Variants in MNDA observed in about 807,000 individuals in gnomAD.
MNDA encodes the protein epididymis secretory sperm binding protein.
Under a neutral mutation model 37.8 loss-of-function variants are expected in MNDA, and 43 were observed. The observed-to-expected ratio is 1.14, with a 90% CI of 0.89 to 1.47. The LOEUF (loss-of-function observed/expected upper bound fraction) is 1.47, where lower values mean the gene tolerates loss of function less well. MNDA is among the 40% of genes most tolerant of loss of function. MNDA has a pLI of 0.00. For synonymous variants in MNDA, 181 were observed against 169.0 expected, an observed-to-expected ratio of 1.07 and a Z score of -0.55; for missense variants, 536 against 476.0, an observed-to-expected ratio of 1.13 and a Z score of -1.17.
rs751427712 is a variant in MNDA at position 158,849,285 on chromosome 1, A to C, written c.*48A>C. The C allele has an allele frequency of 3.4e-5, 51 of 1,521,418 alleles. No homozygotes were observed. The highest frequency in any genetic ancestry group is 4.5e-5 in the Non-Finnish European group (49 of 1,100,936). The allele number at this position is 1,521,418 out of a possible 1,614,324, so 94.2% of individuals were successfully genotyped here. On this transcript the variant is annotated 3_prime_UTR_variant, in exon 7 of 7. Transcript: ENST00000368141. Reference sequence around the variant, plus strand: ...AAACAACTTCCGCTTAAAACAATTAAGTTGTTAATAACTGTGATTTTGTAA... The same window carrying C: ...AAACAACTTCCGCTTAAAACAATTACGTTGTTAATAACTGTGATTTTGTAA...
chr1:158,843,549 A>G, intron 3 of MNDA, 134 bp downstream of exon 3: 1 of 980,938 alleles, frequency 1.0e-6, no homozygotes, highest in Non-Finnish European at 1.4e-6. Flanking sequence ...TGTGATGAGT[A>G]AAGAGTTAGG....
intron 3 of MNDA, among the ~76,000 whole-genome samples, chr1:158,843,618 A>C (rs1323528000): frequency 1.6e-4 from 25 of 152,214 alleles, no homozygotes. Context: ...TCTCCATTAT[A>C]AAAATGGGGT....
intron 1 of MNDA, among the ~76,000 whole-genome samples, chr1:158,839,282 G>A (rs1571654731): frequency 2.0e-5 from 3 of 152,260 alleles, no homozygotes; most frequent in South Asian, 4.1e-4. Flanking sequence ...CTATATGGAC[G>A]TGTGTCTTGC....
At chr1:158,835,764 C>T (rs578244002) in intron 1 of MNDA, among the ~76,000 whole-genome samples, 61 of 151,850 alleles carry the variant, frequency 4.0e-4, no homozygotes, top group Non-Finnish European at 6.8e-4. Flanking sequence ...ATGGTGTTTT[C>T]GTATGTAGAC....
chr1:158,843,240 C>T (rs1213395270), intron 2 of MNDA, 39 bp from the exon 3 acceptor site: 1 of 1,580,424 alleles, frequency 6.3e-7, no homozygotes, highest in Non-Finnish European at 8.6e-7. Context: ...AGCTATTCCA[C>T]TCTAGGCCTA....
At chr1:158,840,298 A>G (rs1243858008) in intron 1 of MNDA, among the ~76,000 whole-genome samples, 1 of 152,158 alleles carries the variant, frequency 6.6e-6, no homozygotes, top group Non-Finnish European at 1.5e-5. Flanking sequence ...TAAAGAAAAG[A>G]GATTTGATTT....
rs1659083744 is a variant in MNDA at position 158,844,003 on chromosome 1, G to A, written c.451G>A (p.Val151Met). The change falls in exon 4 of 7, where the codon GTG (valine) becomes ATG (methionine). Residue 151 changes from valine to methionine, a missense_variant. By Grantham distance (21) the Val-to-Met change is conservative. Coordinates refer to ENST00000368141, the MANE Select transcript of MNDA (RefSeq NM_002432.3). ...AAAGACTGAAGCCAAAAGGAATAAG[G>A]TGTCCCAAGAGCAGAGTAAGCCCCC... ...KEKTEAKRNKVSQEQSKPPGP... is the reference protein window; with the variant it reads ...KEKTEAKRNKMSQEQSKPPGP... 1.2e-6 allele frequency: 2 copies of A among 1,612,094 alleles called. 1 individual carries two copies. Among genetic ancestry groups the A allele is most frequent in the South Asian group, 2.2e-5 (2 of 90,710 alleles).
chr1:158,842,704 GA>G (rs994796213), intron 2 of MNDA: 64 of 229,718 alleles, frequency 2.8e-4, no homozygotes, highest in South Asian at 4.8e-4. Flanking sequence ...GTCAGAAAAT[GA>G]AAAAAAAAGC....
chr1:158,834,273 C>T (rs1283102289), intron 1 of MNDA, among the ~76,000 whole-genome samples: 1 of 146,972 alleles, frequency 6.8e-6, no homozygotes, highest in Non-Finnish European at 1.5e-5. Flanking sequence ...CGCCCTGTCG[C>T]CCAGGCTGGA....
chr1:158,843,809 A>G lies in MNDA; in HGVS notation c.403-146A>G, dbSNP rs973994088. On this transcript the variant is annotated intron_variant, in intron 3 of 6. Coordinates refer to ENST00000368141, the MANE Select transcript of MNDA (RefSeq NM_002432.3). ...AATATTATCTATTGTCCATATCTTC[A>G]AGTGACAGATTGTAATTCCCTGGGG... The G allele has an allele frequency of 8.7e-6, 6 of 691,246 alleles. No individual in the cohort carries two copies. The East Asian group carries it at 1.4e-4, about 16-fold the overall frequency. The allele number at this position is 691,246 out of a possible 1,614,324, so 42.8% of individuals were successfully genotyped here.
rs1158413738 is a variant in MNDA, at chr1:158,842,231, G to T, written c.78G>T (p.Lys26Asn). Residue 26 changes from lysine (K) to asparagine (N), a missense_variant, in exon 2 of 7, where the codon AAG becomes AAT. Lys to Asn is a moderately conservative substitution (Grantham distance 94). Coordinates refer to ENST00000368141, the MANE Select transcript of MNDA (RefSeq NM_002432.3). Reference protein sequence around the residue: ...LMDDYHFTSIKSLLAYDLGLT... With the variant: ...LMDDYHFTSINSLLAYDLGLT... Reference sequence around the variant, plus strand: ...ATGATTATCATTTTACATCAATTAAGTCCTTACTGGCCTATGATTTAGGAC... The same window carrying T: ...ATGATTATCATTTTACATCAATTAATTCCTTACTGGCCTATGATTTAGGAC... 2 of 1,613,896 alleles carry T rather than the reference G, an allele frequency of 1.2e-6. No homozygotes were observed. The highest frequency in any genetic ancestry group is 1.7e-6 in the Non-Finnish European group (2 of 1,179,838).
At chr1:158,847,033 T>C (rs1284277340) in intron 5 of MNDA, among the ~76,000 whole-genome samples, 1 of 152,210 alleles carries the variant, frequency 6.6e-6, no homozygotes, top group African/African-American at 2.4e-5. Context: ...TTAAAATTTC[T>C]CATAATCTGA....
At chr1:158,846,441 G>A (rs1454027156) in intron 5 of MNDA, among the ~76,000 whole-genome samples, 1 of 152,132 alleles carries the variant, frequency 6.6e-6, no homozygotes, top group Non-Finnish European at 1.5e-5. Context: ...GGATTGGCTG[G>A]TATGCTCATA....
chr1:158,845,462 G>T, intron 4 of MNDA, 125 bp from the exon 5 acceptor site: 1 of 872,940 alleles, frequency 1.1e-6, no homozygotes, highest in African/African-American at 1.7e-5. Context: ...GGATGGTCTC[G>T]ATCTTCTGAC....
intron 1 of MNDA, among the ~76,000 whole-genome samples, chr1:158,838,810 A>T (rs1397224528): frequency 6.6e-6 from 1 of 152,138 alleles, no homozygotes; most frequent in African/African-American, 2.4e-5. Context: ...ATAATTACAC[A>T]TGACCTGTCT....
chr1:158,836,045 T>C (rs1658907460), intron 1 of MNDA, among the ~76,000 whole-genome samples: 1 of 151,966 alleles, frequency 6.6e-6, no homozygotes, highest in Admixed American at 6.6e-5. Context: ...GATTGTTGCA[T>C]GGTGAGCCAT....
chr1:158,847,967 G>A, intron 6 of MNDA, 51 bp downstream of exon 6: 2 of 1,564,556 alleles, frequency 1.3e-6, no homozygotes, highest in South Asian at 2.4e-5. Flanking sequence ...AAATAATTTT[G>A]CTTAGGCTTT....
chr1:158,846,004 G>A lies in MNDA; in HGVS notation c.987+1G>A. 3 of 1,583,058 alleles carry A rather than the reference G, an allele frequency of 1.9e-6. No homozygotes were observed. The highest frequency in any genetic ancestry group is 2.2e-5 in the East Asian group (1 of 44,494). ...GTATGGGTTGTTTATGTTACAAAAG[G>A]TAAACCCTTAATTTTGTTTTAATTT... is the stretch of plus-strand genomic sequence containing the variant. On this transcript the variant is annotated splice_donor_variant, in intron 5 of 6. Coordinates refer to ENST00000368141, the MANE Select transcript of MNDA (RefSeq NM_002432.3). LOFTEE classifies it high-confidence loss of function.
At chr1:158,836,620 A>G (rs1658919354) in intron 1 of MNDA, among the ~76,000 whole-genome samples, 2 of 151,520 alleles carry the variant, frequency 1.3e-5, no homozygotes, top group Admixed American at 6.6e-5. Context: ...TTTTTCTTCT[A>G]TGTCAATTCA....
Sources: allele counts gnomAD v4.1 joint callset (sites outside exome capture counted in the v4.1 genomes callset), GRCh38; gene constraint gnomAD v4.1.1; transcripts MANE v1.5; gene names NCBI Gene and HGNC (gene_info 2026-07-23, HGNC 2026-07-21).